ZNF254: variants seen among roughly 807,000 people sequenced by gnomAD.
ZNF254 encodes the protein zinc finger protein 254.
ZNF254 carries 10 observed loss-of-function variants against 12.4 expected under a neutral mutation model. The ratio of observed to expected loss-of-function variants is 0.80; its 90% CI spans 0.50 to 1.36. The LOEUF (loss-of-function observed/expected upper bound fraction) is 1.36, where lower values mean the gene tolerates loss of function less well. ZNF254 is among the 40% of genes most tolerant of loss of function. ZNF254 has a pLI of 0.00. For missense variants in ZNF254, 996 were observed against 763.9 expected, an observed-to-expected ratio of 1.30 and a Z score of -3.58; for synonymous variants, 305 against 253.4, an observed-to-expected ratio of 1.20 and a Z score of -1.93.
At chr19:24,088,055 A>G (rs1176008391) in intron 1 of ZNF254, among the ~76,000 whole-genome samples, 2 of 151,790 alleles carry the variant, frequency 1.3e-5, no homozygotes, top group African/African-American at 4.8e-5. Context: ...AGCTGGGACT[A>G]CAGGCGCCCG....
At chr19:24,090,288 T>C (rs1248133693) in intron 1 of ZNF254, among the ~76,000 whole-genome samples, 1 of 151,984 alleles carries the variant, frequency 6.6e-6, no homozygotes, top group Non-Finnish European at 1.5e-5. Flanking sequence ...CACTGGGGCA[T>C]AGTTCAGAGT....
chr19:24,061,587 C>A (rs188702038), intron 2 of ZNF254, among the ~76,000 whole-genome samples: 2 of 152,310 alleles, frequency 1.3e-5, no homozygotes, highest in African/African-American at 4.8e-5. Flanking sequence ...TGTGACTCTC[C>A]TGCCTTTTCA....
At chr19:24,122,788 G>A (rs931870973) in intron 3 of ZNF254, among the ~76,000 whole-genome samples, 1 of 150,774 alleles carries the variant, frequency 6.6e-6, no homozygotes, top group African/African-American at 2.4e-5. Context: ...TTACCTATTG[G>A]CTTACAGTAA....
chr19:24,125,624 G>C (rs1421282562), intron 3 of ZNF254, among the ~76,000 whole-genome samples: 3 of 152,124 alleles, frequency 2.0e-5, no homozygotes, highest in Non-Finnish European at 4.4e-5. Context: ...CTTAGGATAT[G>C]TGTTGTCTGA....
chr19:24,119,251 A>T (rs1974318124), intron 3 of ZNF254, among the ~76,000 whole-genome samples: 1 of 151,868 alleles, frequency 6.6e-6, no homozygotes, highest in Non-Finnish European at 1.5e-5. Flanking sequence ...GAGTGCAGTG[A>T]CACAATCTCG....
At chr19:24,109,701 T>C (rs1448234633) in intron 3 of ZNF254, among the ~76,000 whole-genome samples, 1 of 149,608 alleles carries the variant, frequency 6.7e-6, no homozygotes, top group Non-Finnish European at 1.5e-5. Flanking sequence ...TTTTTCTTTT[T>C]TCTTTTTTCT....
chr19:24,062,089 A>G (rs1239275145), intron 2 of ZNF254, among the ~76,000 whole-genome samples: 3 of 127,346 alleles, frequency 2.4e-5, no homozygotes, highest in African/African-American at 3.4e-5. Flanking sequence ...CTGTCTCACA[A>G]AAAAAAAAAA....
intron 1 of ZNF254, among the ~76,000 whole-genome samples, chr19:24,034,172 C>T (rs1230790550): frequency 1.3e-5 from 2 of 152,134 alleles, no homozygotes; most frequent in Non-Finnish European, 2.9e-5. Flanking sequence ...GGAAGCTGGT[C>T]TGGAACTCAA....
In ZNF254 at chr19:24,037,522, C is replaced by T. The variant is rs551888471; in HGVS notation, c.-190+3901C>T. Reference sequence around the variant, plus strand: ...AATCTCGGCTTACTGCAACCTCCACCTCCTGGGCTCAAGCAGTTCTCCTGC... The same window carrying T: ...AATCTCGGCTTACTGCAACCTCCACTTCCTGGGCTCAAGCAGTTCTCCTGC... On this transcript the variant is annotated intron_variant, in intron 1 of 4. Transcript: ENST00000613065. 3.7e-4 allele frequency among the ~76,000 whole-genome samples: 57 copies of T among 152,338 alleles called. No homozygotes were observed. In the East Asian group the frequency reaches 0.01, roughly 28 times the overall value.
Position 24,117,576 on chromosome 19 carries a change from G to A in ZNF254, c.254-8678G>A, listed in dbSNP as rs538457229. Among the ~76,000 whole-genome samples the A allele has an allele frequency of 1.1e-3, 170 of 152,204 alleles. 1 individual carries two copies. Among genetic ancestry groups the A allele is most frequent in the Non-Finnish European group, 1.8e-3 (120 of 67,982 alleles). On this transcript the variant is annotated intron_variant, in intron 3 of 3. Coordinates refer to ENST00000357002, the MANE Select transcript of ZNF254 (RefSeq NM_203282.4). ...CGCAGTATTAGGGTGGGAGTGACCC[G>A]ACTTTCCAGATGCCGTCTGTCACCC...
chr19:24,057,802 T>C (rs1970917421), intron 2 of ZNF254, among the ~76,000 whole-genome samples: 2 of 152,236 alleles, frequency 1.3e-5, no homozygotes, highest in African/African-American at 4.8e-5. Flanking sequence ...TGTCTCTCAT[T>C]CAATGATTCA....
chr19:24,096,850 A>G (rs1388805013), intron 1 of ZNF254, among the ~76,000 whole-genome samples: 1 of 152,164 alleles, frequency 6.6e-6, no homozygotes, highest in East Asian at 1.9e-4. Context: ...AATTTTATAC[A>G]ACACCTTTCT....
intron 2 of ZNF254, 97 bp downstream of exon 2, chr19:24,106,163 T>C (rs1193299704): frequency 1.4e-6 from 2 of 1,412,890 alleles, no homozygotes; most frequent in African/African-American, 2.9e-5. Context: ...GATTTCTGTT[T>C]TCAAGAAAAT....
chr19:24,046,614 G>A (rs1232372104), intron 2 of ZNF254, among the ~76,000 whole-genome samples: 2 of 151,836 alleles, frequency 1.3e-5, no homozygotes, highest in Non-Finnish European at 2.9e-5. Context: ...ATAAAAGTGG[G>A]CTGAAAGAAA....
At chr19:24,034,482 A>T (rs1186533493) in intron 1 of ZNF254, among the ~76,000 whole-genome samples, 1 of 139,938 alleles carries the variant, frequency 7.1e-6, no homozygotes, top group Non-Finnish European at 1.5e-5. Context: ...AGATTTAGGT[A>T]AGTGGGTTTT....
At chr19:24,047,930 G>C (rs1406288954) in intron 2 of ZNF254, among the ~76,000 whole-genome samples, 2 of 148,564 alleles carry the variant, frequency 1.3e-5, no homozygotes, top group African/African-American at 2.5e-5. Flanking sequence ...CAGGTGATCT[G>C]CCCACCTTAG....
intron 1 of ZNF254, among the ~76,000 whole-genome samples, chr19:24,100,424 A>G (rs1568456356): frequency 6.6e-6 from 1 of 151,052 alleles, no homozygotes; most frequent in Non-Finnish European, 1.5e-5. Context: ...CTTTTATTTG[A>G]GGAATGAAAG....
intron 1 of ZNF254, chr19:24,046,168 T>G (rs1448836587): frequency 2.0e-5 from 3 of 151,802 alleles, no homozygotes; most frequent in African/African-American, 4.8e-5. Context: ...TCATCTGACT[T>G]TTTATTAAAA....
chr19:24,036,735 T>A (rs1021517341), intron 1 of ZNF254, among the ~76,000 whole-genome samples: 1 of 152,186 alleles, frequency 6.6e-6, no homozygotes, highest in African/African-American at 2.4e-5. Context: ...CACATTGTCC[T>A]GTGATTCCAG....
Sources: gnomAD v4.1 joint callset for allele counts (sites outside exome capture counted in the v4.1 genomes callset) on GRCh38, gnomAD v4.1.1 for gene constraint, MANE v1.5 for transcripts, NCBI Gene and HGNC (gene_info 2026-07-23, HGNC 2026-07-21) for gene names.